Variants in NRIP3 observed in about 807,000 individuals in gnomAD.
NRIP3 encodes nuclear receptor-interacting protein 3.
NRIP3 carries 31 observed loss-of-function variants against 29.0 expected under a neutral mutation model. That is an observed-to-expected ratio of 1.07 (90% CI 0.80 to 1.44). The LOEUF (loss-of-function observed/expected upper bound fraction) is 1.44. Ranked by LOEUF, NRIP3 falls within the 40% of genes most tolerant of loss-of-function variation. NRIP3 has a pLI of 0.00. For missense variants in NRIP3, 314 were observed against 297.9 expected, an observed-to-expected ratio of 1.05 and a Z score of -0.40; for synonymous variants, 131 against 118.3, an observed-to-expected ratio of 1.11 and a Z score of -0.70.
intron 3 of NRIP3, among the ~76,000 whole-genome samples, chr11:8,986,946 AGGC>A (rs1854530141): frequency 6.6e-6 from 1 of 152,216 alleles, no homozygotes; most frequent in East Asian, 1.9e-4. Context: ...TGAGCCCAGG[AGGC>A]GGAGGTTGCA....
chr11:9,003,974 G>T lies in NRIP3; in HGVS notation c.-39C>A, dbSNP rs566216923. ...GCGGCCCGGTAGCCCACAGCCCCCC[G>T]GCAGCCTCAGCCTCGAGCTCCTCCA... On this transcript the variant is annotated 5_prime_UTR_variant, in exon 1 of 7. Coordinates refer to ENST00000309166, the MANE Select transcript of NRIP3 (RefSeq NM_020645.3). The T allele has an allele frequency of 3.7e-5, 54 of 1,457,616 alleles. No individual in the cohort carries two copies. The highest frequency in any genetic ancestry group is 4.9e-5 in the Non-Finnish European group (54 of 1,099,566). 90.3% of individuals were successfully genotyped at this position (1,457,616 alleles called of 1,614,324 possible). A position where few individuals can be genotyped will look rare whatever the true frequency, so the allele number is the denominator to read the frequency against.
At chr11:8,998,018 C>G (rs1337687078) in intron 1 of NRIP3, among the ~76,000 whole-genome samples, 2 of 152,138 alleles carry the variant, frequency 1.3e-5, no homozygotes, top group African/African-American at 4.8e-5. Flanking sequence ...GTCATGGATA[C>G]CATTCACTTT....
intron 4 of NRIP3, 88 bp downstream of exon 4, chr11:8,985,623 T>C: frequency 6.7e-7 from 1 of 1,493,332 alleles, no homozygotes; most frequent in Non-Finnish European, 9.0e-7. Context: ...AGTCAATATT[T>C]ACAGGCATGA....
chr11:8,996,605 A>G (rs899288617), intron 1 of NRIP3, among the ~76,000 whole-genome samples: 2 of 152,190 alleles, frequency 1.3e-5, no homozygotes, highest in African/African-American at 2.4e-5. Context: ...GATTAATATC[A>G]TTGAATTCTT....
At chr11:9,004,143 C>T (rs12795671), upstream of NRIP3, 91,810 of 405,696 alleles carry the variant, frequency 0.23, 11,604 homozygotes, top group Middle Eastern at 0.37. Context: ...GTCCCGCGTC[C>T]CCTGCTCACC....
chr11:9,000,363 T>C (rs1489613564), intron 1 of NRIP3, among the ~76,000 whole-genome samples: 1 of 152,246 alleles, frequency 6.6e-6, no homozygotes, highest in African/African-American at 2.4e-5. Context: ...TGTGGTGATA[T>C]GGATAGCTAA....
Position 8,983,315 on chromosome 11 carries a change from TAAGTTAAGTGATCA to T in NRIP3, c.*216_*229del. ...GACTGGCAGTGTCAAAAAAGGTCTA[TAAGTTAAGTGATCA>T]AAGTAGTAAAAAACAATGGCCATAA... On this transcript the variant is annotated 3_prime_UTR_variant, in exon 7 of 7. Coordinates refer to ENST00000309166, the MANE Select transcript of NRIP3 (RefSeq NM_020645.3). 1.7e-6 allele frequency: 1 copy of T among 582,124 alleles called. No individual in the cohort carries two copies. Among genetic ancestry groups the T allele is most frequent in the South Asian group, 2.3e-5 (1 of 43,898 alleles). 36.1% of individuals were successfully genotyped at this position (582,124 alleles called of 1,614,324 possible).
chr11:8,994,964 CT>C (rs1854675350), intron 1 of NRIP3, among the ~76,000 whole-genome samples: 1 of 152,146 alleles, frequency 6.6e-6, no homozygotes, highest in Non-Finnish European at 1.5e-5. Flanking sequence ...CCTTTTTCAA[CT>C]TCTCTACTTA....
chr11:9,000,539 A>G (rs1365001717), intron 1 of NRIP3, among the ~76,000 whole-genome samples: 1 of 152,252 alleles, frequency 6.6e-6, no homozygotes, highest in Non-Finnish European at 1.5e-5. Flanking sequence ...AATCATATGT[A>G]GGAAAGAAAA....
intron 1 of NRIP3, among the ~76,000 whole-genome samples, chr11:9,000,965 A>G (rs1338144493): frequency 6.6e-6 from 1 of 151,994 alleles, no homozygotes; most frequent in Non-Finnish European, 1.5e-5. Context: ...GCTACTCAGG[A>G]GGTTGAGGTG....
At chr11:8,985,471 A>AT (rs935327720) in intron 4 of NRIP3, among the ~76,000 whole-genome samples, 7 of 118,772 alleles carry the variant, frequency 5.9e-5, no homozygotes, top group Admixed American at 1.7e-4. Flanking sequence ...ACCCGGCCGA[A>AT]TTTTTTTTTT....
At chr11:8,993,469 G>C (rs997252949) in intron 1 of NRIP3, among the ~76,000 whole-genome samples, 1 of 152,158 alleles carries the variant, frequency 6.6e-6, no homozygotes, top group Non-Finnish European at 1.5e-5. Flanking sequence ...ATAGAAGAGT[G>C]AATATGATGG....
In NRIP3 at chr11:8,983,307, A is replaced by C; in HGVS notation, c.*238T>G. ...ACAAGTGAGACTGGCAGTGTCAAAA[A>C]AGGTCTATAAGTTAAGTGATCAAAG... On this transcript the variant is annotated 3_prime_UTR_variant, in exon 7 of 7. Transcript: ENST00000309166. 1 of 573,188 alleles carries C rather than the reference A, an allele frequency of 1.7e-6. No homozygotes were observed. Among genetic ancestry groups the C allele is most frequent in the South Asian group, 2.3e-5 (1 of 42,830 alleles). 35.5% of individuals were successfully genotyped at this position (573,188 alleles called of 1,614,324 possible).
At position 8,983,574 on chromosome 11, in the gene NRIP3, T is replaced by G. The variant is rs1206144955; in HGVS notation, c.711-14A>C. ...GCTTCTGAAGTGCTGAAATGAGAAATAAATATCAGGAGAAATAATGCCAAA... is the reference window on the plus strand; with the variant it reads ...GCTTCTGAAGTGCTGAAATGAGAAAGAAATATCAGGAGAAATAATGCCAAA... On this transcript the variant is annotated splice_polypyrimidine_tract_variant and intron_variant, in intron 6 of 6. Coordinates refer to ENST00000309166, the MANE Select transcript of NRIP3 (RefSeq NM_020645.3). The G allele has an allele frequency of 6.2e-6, 10 of 1,612,820 alleles. No homozygotes were observed. The highest frequency in any genetic ancestry group is 8.5e-6 in the Non-Finnish European group (10 of 1,179,160).
At position 9,003,956 on chromosome 11, in the gene NRIP3, G is replaced by C. The variant is rs770681633; in HGVS notation, c.-21C>G. ...AACATCGCTGAGGCGCCGGCGGCCC[G>C]GTAGCCCACAGCCCCCCGGCAGCCT... On this transcript the variant is annotated 5_prime_UTR_variant, in exon 1 of 7. Transcript: ENST00000309166. 1.4e-6 allele frequency: 2 copies of C among 1,477,854 alleles called. No individual in the cohort carries two copies. Among genetic ancestry groups the C allele is most frequent in the Admixed American group, 2.4e-5 (1 of 42,020 alleles). The allele number at this position is 1,477,854 out of a possible 1,614,324, so 91.5% of individuals were successfully genotyped here.
At chr11:9,003,448 G>C (rs1854846113) in intron 1 of NRIP3, among the ~76,000 whole-genome samples, 1 of 152,200 alleles carries the variant, frequency 6.6e-6, no homozygotes, top group Admixed American at 6.5e-5. Flanking sequence ...ACAAAATTCG[G>C]TATTAAGAAT....
intron 1 of NRIP3, among the ~76,000 whole-genome samples, chr11:9,002,513 T>C (rs1854823065): frequency 1.4e-5 from 1 of 71,866 alleles, no homozygotes; most frequent in Non-Finnish European, 2.9e-5. Context: ...AAGTAACTAA[T>C]GGCAGGGAGG....
intron 1 of NRIP3, among the ~76,000 whole-genome samples, chr11:8,995,159 G>T (rs1854679454): frequency 6.6e-6 from 1 of 151,854 alleles, no homozygotes; most frequent in East Asian, 1.9e-4. Context: ...CCCCACAGTG[G>T]TTCTCTTGCT....
At position 8,998,381 on chromosome 11, in the gene NRIP3, C is replaced by A. The variant is rs1029919183; in HGVS notation, c.174+5381G>T. 4.6e-5 allele frequency among the ~76,000 whole-genome samples: 7 copies of A among 152,184 alleles called. No individual in the cohort carries two copies. In the East Asian group the frequency reaches 1.2e-3, roughly 25 times the overall value. On this transcript the variant is annotated intron_variant, in intron 1 of 6. Coordinates refer to ENST00000309166, the MANE Select transcript of NRIP3 (RefSeq NM_020645.3). ...ATTATTATCTGTTTTGTGGATTAGTCTGAGATAATGGTTTCTCAGCTGCTC... is the reference window on the plus strand; with the variant it reads ...ATTATTATCTGTTTTGTGGATTAGTATGAGATAATGGTTTCTCAGCTGCTC...
Sources: allele counts gnomAD v4.1 joint callset (sites outside exome capture counted in the v4.1 genomes callset), GRCh38; gene constraint gnomAD v4.1.1; transcripts MANE v1.5; gene names NCBI Gene and HGNC (gene_info 2026-07-23, HGNC 2026-07-21).